Variants in NRXN1 observed in about 807,000 individuals in gnomAD.
NRXN1 encodes neurexin-1.
Under a neutral mutation model 150.9 loss-of-function variants are expected in NRXN1, and 39 were observed. The observed-to-expected ratio is 0.26, with a 90% CI of 0.20 to 0.34. NRXN1 has a LOEUF of 0.34. Among genes scored for constraint, NRXN1 ranks in the 10% least tolerant of loss-of-function variants. NRXN1 has a pLI of 1.00. For synonymous variants in NRXN1, 924 were observed against 757.0 expected, an observed-to-expected ratio of 1.22 and a Z score of -3.62; for missense variants, 1,815 against 1,949.9, an observed-to-expected ratio of 0.93 and a Z score of 1.30.
intron 5 of NRXN1, among the ~76,000 whole-genome samples, chr2:50,896,303 T>C (rs919547550): frequency 2.0e-5 from 3 of 152,176 alleles, no homozygotes; most frequent in African/African-American, 4.8e-5. Flanking sequence ...CACACATTTA[T>C]TGGGAACCTA....
intron 5 of NRXN1, among the ~76,000 whole-genome samples, chr2:50,786,126 T>C (rs1705080367): frequency 6.6e-6 from 1 of 152,016 alleles, no homozygotes; most frequent in African/African-American, 2.4e-5. Flanking sequence ...ATGTTAACTA[T>C]CCAAGATTTT....
At chr2:50,063,949 A>C (rs1694955323) in intron 19 of NRXN1, among the ~76,000 whole-genome samples, 1 of 152,284 alleles carries the variant, frequency 6.6e-6, no homozygotes, top group South Asian at 2.1e-4. Flanking sequence ...GCATGATAAC[A>C]TAGTGGTATT....
intron 18 of NRXN1, among the ~76,000 whole-genome samples, chr2:50,133,818 T>A (rs1427277179): frequency 1.3e-5 from 2 of 152,210 alleles, no homozygotes; most frequent in Non-Finnish European, 2.9e-5. Flanking sequence ...TGAGGAATTA[T>A]TTTATGAAAT....
At chr2:50,511,467 G>A (rs913099050) in intron 12 of NRXN1, among the ~76,000 whole-genome samples, 3 of 152,200 alleles carry the variant, frequency 2.0e-5, no homozygotes, top group Non-Finnish European at 2.9e-5. Context: ...GTCAGTGCTT[G>A]TCAACAGAGT....
chr2:50,286,411 A>C (rs2072178954), intron 17 of NRXN1, among the ~76,000 whole-genome samples: 1 of 152,100 alleles, frequency 6.6e-6, no homozygotes, highest in African/African-American at 2.4e-5. Flanking sequence ...TAGCTATTTC[A>C]ATTCACATAA....
At chr2:50,995,746 G>A (rs1212761526) in intron 2 of NRXN1, among the ~76,000 whole-genome samples, 1 of 151,924 alleles carries the variant, frequency 6.6e-6, no homozygotes, top group African/African-American at 2.4e-5. Context: ...ATGGATAAAT[G>A]CAACTGGAGA....
intron 22 of NRXN1, among the ~76,000 whole-genome samples, chr2:49,928,326 T>G (rs1669484068): frequency 6.6e-6 from 1 of 151,958 alleles, no homozygotes; most frequent in South Asian, 2.1e-4. Context: ...TTCTGACCAG[T>G]CTTTCTGGTT....
intron 17 of NRXN1, among the ~76,000 whole-genome samples, chr2:50,412,622 G>C (rs1428939555): frequency 6.6e-6 from 1 of 151,416 alleles, no homozygotes; most frequent in African/African-American, 2.4e-5. Context: ...ACTTGCATTT[G>C]CTTATTTTTG....
chr2:50,606,250 G>GAAAAA (rs1203771076), intron 8 of NRXN1, among the ~76,000 whole-genome samples: 93 of 74,776 alleles, frequency 1.2e-3, no homozygotes, highest in African/African-American at 1.7e-3. Context: ...CTCTGTTTCA[G>GAAAAA]AAAAAAAAAA....
intron 5 of NRXN1, among the ~76,000 whole-genome samples, chr2:50,635,165 CTT>C (rs200301567): frequency 1.4e-5 from 2 of 146,790 alleles, no homozygotes; most frequent in African/African-American, 2.5e-5. Context: ...TTAAATTCTT[CTT>C]TTTTTTTTTT....
At chr2:50,118,656 C>A (rs1229417808) in intron 18 of NRXN1, among the ~76,000 whole-genome samples, 2 of 152,046 alleles carry the variant, frequency 1.3e-5, no homozygotes, top group Non-Finnish European at 2.9e-5. Context: ...CAAAAGCAGG[C>A]ACTAAAAATA....
intron 17 of NRXN1, among the ~76,000 whole-genome samples, chr2:50,303,272 G>T (rs552249223): frequency 6.6e-6 from 1 of 152,122 alleles, no homozygotes; most frequent in Non-Finnish European, 1.5e-5. Context: ...TGCATGCATT[G>T]GATACATACC....
chr2:50,537,856 C>T (rs2093300160), intron 10 of NRXN1, among the ~76,000 whole-genome samples: 1 of 152,126 alleles, frequency 6.6e-6, no homozygotes, highest in Non-Finnish European at 1.5e-5. Context: ...TAGCTTGCCT[C>T]AAATGCTATT....
chr2:50,882,236 G>C (rs1463930759), intron 5 of NRXN1, among the ~76,000 whole-genome samples: 1 of 151,666 alleles, frequency 6.6e-6, no homozygotes, highest in Admixed American at 6.6e-5. Flanking sequence ...AATAAAATGT[G>C]GTGGTATTTT....
In NRXN1 at chr2:50,922,723, A is replaced by T. The variant is rs764545604; in HGVS notation, c.791-36T>A. The T allele has an allele frequency of 4.4e-6, 7 of 1,606,750 alleles. No homozygotes were observed. In the South Asian group the frequency reaches 7.8e-5, roughly 18 times the overall value. ...AACAAGAGCACAGTCAGCAATAAAC[A>T]AGGGAGCATGGGAAGGCAGGGTTGT... On this transcript the variant is annotated intron_variant, in intron 3 of 22. Transcript: ENST00000401669.
At chr2:50,028,344 T>A (rs1228189553) in intron 21 of NRXN1, among the ~76,000 whole-genome samples, 1 of 152,166 alleles carries the variant, frequency 6.6e-6, no homozygotes. Flanking sequence ...CAAGGAGACA[T>A]CAAGGCATTT....
intron 7 of NRXN1, chr2:50,620,958 G>C (rs960257275): frequency 7.3e-6 from 3 of 411,608 alleles, no homozygotes; most frequent in Non-Finnish European, 1.3e-5. Flanking sequence ...GTCTTATCCC[G>C]TGTTAACCAC....
intron 8 of NRXN1, among the ~76,000 whole-genome samples, chr2:50,577,741 C>G (rs1420054777): frequency 2.0e-5 from 3 of 149,876 alleles, no homozygotes; most frequent in Non-Finnish European, 4.5e-5. Flanking sequence ...CACACACACA[C>G]TAAATGGTAT....
At chr2:50,120,443 T>G (rs749589660) in intron 18 of NRXN1, among the ~76,000 whole-genome samples, 1 of 152,184 alleles carries the variant, frequency 6.6e-6, no homozygotes, top group Non-Finnish European at 1.5e-5. Flanking sequence ...AGAATACTAT[T>G]TATAGTTTAT....
Sources: gnomAD v4.1 joint callset for allele counts (sites outside exome capture counted in the v4.1 genomes callset) on GRCh38, gnomAD v4.1.1 for gene constraint, MANE v1.5 for transcripts, NCBI Gene and HGNC (gene_info 2026-07-23, HGNC 2026-07-21) for gene names.